RAB3GAP2: variants seen among roughly 807,000 people sequenced by gnomAD.
The protein encoded by RAB3GAP2 is RAB3 GTPase activating non-catalytic protein subunit 2.
RAB3GAP2 carries 87 observed loss-of-function variants against 185.3 expected under a neutral mutation model. That is an observed-to-expected ratio of 0.47 (90% CI 0.39 to 0.56). The LOEUF (loss-of-function observed/expected upper bound fraction) is 0.56. RAB3GAP2 is among the 20% of genes least tolerant of loss of function. The pLI, the probability that RAB3GAP2 is intolerant of heterozygous loss-of-function variation, is 0.00. For synonymous variants in RAB3GAP2, 554 were observed against 576.1 expected, an observed-to-expected ratio of 0.96 and a Z score of 0.55; for missense variants, 1,492 against 1,638.2, an observed-to-expected ratio of 0.91 and a Z score of 1.54.
chr1:220,155,676 T>C (rs1261821584), intron 31 of RAB3GAP2, among the ~76,000 whole-genome samples: 30 of 152,146 alleles, frequency 2.0e-4, no homozygotes, highest in Admixed American at 2.0e-3. Context: ...AGTTAGCAAA[T>C]GGTAGCACCG....
rs12085559 is a variant in RAB3GAP2, at chr1:220,205,436, C to T, written c.712+471G>A. Among the ~76,000 whole-genome samples, 1,356 of 152,228 alleles carry T rather than the reference C, an allele frequency of 8.9e-3. 24 individuals carry two copies. The highest frequency in any genetic ancestry group is 0.031 in the African/African-American group (1,277 of 41,504). On this transcript the variant is annotated intron_variant, in intron 8 of 34. Coordinates refer to ENST00000358951, the MANE Select transcript of RAB3GAP2 (RefSeq NM_012414.4). ...TCTGTAGGATCTTGCATCTCCCTTG[C>T]ACACAGTCATAGCTTTATTCTCAGG...
intron 2 of RAB3GAP2, among the ~76,000 whole-genome samples, chr1:220,216,998 G>A (rs986220006): frequency 1.3e-5 from 2 of 151,918 alleles, no homozygotes; most frequent in Non-Finnish European, 2.9e-5. Flanking sequence ...AAGACAAAGA[G>A]TCAAAGATGG....
chr1:220,153,403 A>G lies in RAB3GAP2; in HGVS notation c.3649T>C (p.Leu1217=), dbSNP rs1657798941. 1.2e-6 allele frequency: 2 copies of G among 1,613,374 alleles called. No homozygotes were observed. Among genetic ancestry groups the G allele is most frequent in the African/African-American group, 2.7e-5 (2 of 74,922 alleles). Residue 1217 remains leucine, a synonymous_variant, in exon 33 of 35, where the codon TTA becomes CTA. Transcript: ENST00000358951. ...ACAGCTGCACTGACAACTTTCAATAAGAACTTGAAAATGGAGAAAGAGATA... is the reference window on the plus strand; with the variant it reads ...ACAGCTGCACTGACAACTTTCAATAGGAACTTGAAAATGGAGAAAGAGATA... The part of the protein sequence containing the change: ...PNFISVRQQF[L]LKVVSAAVQA...
intron 2 of RAB3GAP2, among the ~76,000 whole-genome samples, chr1:220,223,784 T>C (rs532634451): frequency 4.6e-5 from 7 of 151,500 alleles, no homozygotes; most frequent in Non-Finnish European, 8.8e-5. Flanking sequence ...TAAAGAAAGG[T>C]ACTCTCATAC....
At chr1:220,175,884 A>G (rs2102861650) in intron 21 of RAB3GAP2, among the ~76,000 whole-genome samples, 1 of 152,334 alleles carries the variant, frequency 6.6e-6, no homozygotes, top group South Asian at 2.1e-4. Flanking sequence ...TTCTATAAAC[A>G]TTAAAACTTC....
At position 220,153,159 on chromosome 1, in the gene RAB3GAP2, A is replaced by G. The variant is rs776392076; in HGVS notation, c.3867+26T>C. On this transcript the variant is annotated intron_variant, in intron 33 of 34. Transcript: ENST00000358951. ...CTATCAATTTTATAACTTGAGCCCA[A>G]TTAACATTCAAAGGGTCATGATTAC... 6 of 1,537,698 alleles carry G rather than the reference A, an allele frequency of 3.9e-6. No individual in the cohort carries two copies. In the South Asian group the frequency reaches 4.5e-5, roughly 11 times the overall value.
In RAB3GAP2 at chr1:220,182,762, A is replaced by T. The variant is rs150643803; in HGVS notation, c.2168T>A (p.Val723Glu). Residue 723 changes from valine to glutamate, a missense_variant, in exon 20 of 35, where the codon GTG (valine) becomes GAG (glutamate). Val to Glu is a moderately radical substitution (Grantham distance 121). Around this residue, in one of 5 missense-constraint regions of RAB3GAP2, gnomAD observed 681 missense variants for 689.1 expected, o/e 0.99. Transcript: ENST00000358951. ...FLEYLEYEKD[V>E]LNIKKISEEE... is the part of the protein sequence containing the mutation. ...TTCACTTATTTTCTTTATGTTGAGC[A>T]CATCCTTTTCATATTCTAAATATTC... 4.7e-4 allele frequency: 762 copies of T among 1,611,798 alleles called. 1 individual carries two copies. The highest frequency in any genetic ancestry group is 1.7e-3 in the Middle Eastern group (9 of 5,246).
intron 24 of RAB3GAP2, among the ~76,000 whole-genome samples, chr1:220,169,701 A>G (rs1011334806): frequency 6.6e-6 from 1 of 152,192 alleles, no homozygotes; most frequent in African/African-American, 2.4e-5. Flanking sequence ...TTGTTCAGGC[A>G]ATTCTTGAAC....
chr1:220,187,882 T>C (rs548248251), intron 17 of RAB3GAP2, among the ~76,000 whole-genome samples: 102 of 152,164 alleles, frequency 6.7e-4, no homozygotes, highest in African/African-American at 2.4e-3. Context: ...GAGGGGGTCA[T>C]AGTAACCCTA....
At position 220,245,670 on chromosome 1, in the gene RAB3GAP2, C is replaced by T. The variant is rs924594132; in HGVS notation, c.116-12807G>A. 4.0e-5 allele frequency among the ~76,000 whole-genome samples: 6 copies of T among 151,828 alleles called. No individual in the cohort carries two copies. In the South Asian group the frequency reaches 8.3e-4, roughly 21 times the overall value. On this transcript the variant is annotated intron_variant, in intron 1 of 34. Coordinates refer to ENST00000358951, the MANE Select transcript of RAB3GAP2 (RefSeq NM_012414.4). ...CCCAACTGGGTGGAGCCCACCACAG[C>T]TCAAGGAGGCCTGCCTGCCTCTGTA...
intron 1 of RAB3GAP2, among the ~76,000 whole-genome samples, chr1:220,251,199 TAAG>T (rs1659923823): frequency 6.6e-6 from 1 of 152,194 alleles, no homozygotes; most frequent in African/African-American, 2.4e-5. Context: ...TGCAATAAAA[TAAG>T]GATAGGTTTC....
intron 2 of RAB3GAP2, among the ~76,000 whole-genome samples, chr1:220,227,202 A>G (rs1390944428): frequency 6.6e-6 from 1 of 152,236 alleles, no homozygotes; most frequent in East Asian, 1.9e-4. Context: ...AAACTATTTA[A>G]AGCTCCTAAG....
Position 220,157,930 on chromosome 1 carries a change from C to G in RAB3GAP2, c.3262-54G>C, listed in dbSNP as rs1215154978. 3 of 1,364,168 alleles carry G rather than the reference C, an allele frequency of 2.2e-6. No individual in the cohort carries two copies. In the East Asian group the frequency reaches 7.0e-5, roughly 32 times the overall value. The allele number at this position is 1,364,168 out of a possible 1,614,324, so 84.5% of individuals were successfully genotyped here. On this transcript the variant is annotated intron_variant, in intron 29 of 34. Coordinates refer to ENST00000358951, the MANE Select transcript of RAB3GAP2 (RefSeq NM_012414.4). ...CCCTGCAGGAAAACTGCTATAGTTA[C>G]TGTCAGCCAAACAAGAACCAGGATA...
chr1:220,210,574 C>T, intron 6 of RAB3GAP2, 85 bp from the exon 7 acceptor site: 1 of 1,132,302 alleles, frequency 8.8e-7, no homozygotes, highest in Non-Finnish European at 1.3e-6. Flanking sequence ...GTACCATTTC[C>T]CCAACAGTTT....
At chr1:220,255,237 A>G (rs1481038909) in intron 1 of RAB3GAP2, among the ~76,000 whole-genome samples, 1 of 152,146 alleles carries the variant, frequency 6.6e-6, no homozygotes, top group Non-Finnish European at 1.5e-5. Context: ...AACAACAACA[A>G]CAACATGAAC....
rs1273923699 is a variant in RAB3GAP2, at chr1:220,193,836, T to C, written c.1131-457A>G. Among the ~76,000 whole-genome samples, 6 of 152,190 alleles carry C rather than the reference T, an allele frequency of 3.9e-5. No individual in the cohort carries two copies. In the South Asian group the frequency reaches 1.0e-3, roughly 26 times the overall value. On this transcript the variant is annotated intron_variant, in intron 12 of 34. Coordinates refer to ENST00000358951, the MANE Select transcript of RAB3GAP2 (RefSeq NM_012414.4). ...CTTCCTTTTTCTAAATAGTTATCTC[T>C]AAACTTCTGTTGTTCTATAATCAAC... is the stretch of plus-strand genomic sequence containing the variant.
Position 220,196,403 on chromosome 1 carries a change from T to TAAAA in RAB3GAP2, c.812-9_812-6dup. 1.5e-6 allele frequency: 2 copies of TAAAA among 1,348,560 alleles called. No individual in the cohort carries two copies. Among genetic ancestry groups the TAAAA allele is most frequent in the Non-Finnish European group, 2.1e-6 (2 of 975,232 alleles). 83.5% of individuals were successfully genotyped at this position (1,348,560 alleles called of 1,614,324 possible). On this transcript the variant is annotated splice_polypyrimidine_tract_variant and splice_region_variant and intron_variant, in intron 9 of 34. Coordinates refer to ENST00000358951, the MANE Select transcript of RAB3GAP2 (RefSeq NM_012414.4). ...AGGGGGACAGAGTCATAATACCTAA[T>TAAAA]AAAAAAAAAAAAGTGATTTGAATGT...
At chr1:220,265,897 C>T (rs1660219317) in intron 1 of RAB3GAP2, 1 of 152,266 alleles carries the variant, frequency 6.6e-6, no homozygotes, top group African/African-American at 2.4e-5. Context: ...TGCACTCTGG[C>T]CTGGGTGACA....
intron 9 of RAB3GAP2, among the ~76,000 whole-genome samples, chr1:220,199,216 G>T (rs1168892896): frequency 2.0e-5 from 3 of 152,072 alleles, no homozygotes; most frequent in Non-Finnish European, 4.4e-5. Context: ...ACTCGATTTT[G>T]GATATGTTAA....
Sources: gnomAD v4.1 joint callset for allele counts (sites outside exome capture counted in the v4.1 genomes callset) on GRCh38, gnomAD v4.1.1 for gene constraint, gnomAD v4.1.1 regional missense constraint, MANE v1.5 for transcripts, NCBI Gene and HGNC (gene_info 2026-07-23, HGNC 2026-07-21) for gene names.